NPR3: variants seen among roughly 807,000 people sequenced by gnomAD.
NPR3 encodes the protein atrial natriuretic peptide receptor 3.
A neutral mutation model predicts 54.5 loss-of-function variants in NPR3; 34 were observed. The observed-to-expected ratio is 0.62, with a 90% CI of 0.47 to 0.83. The LOEUF (loss-of-function observed/expected upper bound fraction) is 0.83. Among genes scored for constraint, NPR3 ranks in the 40% least tolerant of loss-of-function variants. NPR3 has a pLI of 0.00. For synonymous variants in NPR3, 289 were observed against 297.1 expected (o/e 0.97, Z 0.28); for missense variants, 674 against 720.8 (o/e 0.94, Z 0.74).
At chr5:32,702,391 T>C (rs1737846717) in intron 1 of NPR3, among the ~76,000 whole-genome samples, 1 of 148,360 alleles carries the variant, frequency 6.7e-6, no homozygotes, top group African/African-American at 2.5e-5. Flanking sequence ...GTATATCTCC[T>C]AATGCTATCC....
rs1738220021 is a variant in NPR3, at chr5:32,711,497, A to G, written c.-280A>G. The G allele has an allele frequency of 8.6e-7, 1 of 1,158,848 alleles. No homozygotes were observed. The highest frequency in any genetic ancestry group is 4.4e-5 in the South Asian group (1 of 22,868). 71.8% of individuals were successfully genotyped at this position (1,158,848 alleles called of 1,614,324 possible). A position where few individuals can be genotyped will look rare whatever the true frequency, so the allele number is the denominator to read the frequency against. On this transcript the variant is annotated 5_prime_UTR_variant, in exon 1 of 8. It adds an upstream start codon to the 5' untranslated region. Coordinates refer to ENST00000265074, the MANE Select transcript of NPR3 (RefSeq NM_001204375.2). ...ATGTATAAACGGAGGGCGAATATAT[A>G]CAAGTATATATATATGTATATTACA...
chr5:32,695,190 T>C (rs1162560746), intron 1 of NPR3, among the ~76,000 whole-genome samples: 2 of 152,232 alleles, frequency 1.3e-5, no homozygotes, highest in African/African-American at 4.8e-5. Context: ...ATCTCTTCAG[T>C]GTACTGATTT....
chr5:32,692,918 T>A (rs1358560366), intron 1 of NPR3, among the ~76,000 whole-genome samples: 1 of 152,148 alleles, frequency 6.6e-6, no homozygotes, highest in Non-Finnish European at 1.5e-5. Context: ...CCCAGAAGTT[T>A]GAGACCCACC....
At chr5:32,708,280 T>C (rs147840448), upstream of NPR3, among the ~76,000 whole-genome samples, 642 of 152,216 alleles carry the variant, frequency 4.2e-3, 6 homozygotes, top group Middle Eastern at 0.01. Flanking sequence ...CATTTCAGTG[T>C]TTTACAGAAT....
chr5:32,706,536 T>C (rs900967579), upstream of NPR3, among the ~76,000 whole-genome samples: 18 of 152,182 alleles, frequency 1.2e-4, no homozygotes, highest in Admixed American at 1.2e-3. Flanking sequence ...AATGGTAACT[T>C]TTGTTTATTT....
At chr5:32,753,317 TA>T (rs1328225779) in intron 3 of NPR3, among the ~76,000 whole-genome samples, 3 of 146,098 alleles carry the variant, frequency 2.1e-5, no homozygotes, top group Non-Finnish European at 4.6e-5. Flanking sequence ...AATGCTATGC[TA>T]TTTTCTTTTT....
At chr5:32,738,046 C>A (rs1365754446) in intron 2 of NPR3, among the ~76,000 whole-genome samples, 1 of 152,068 alleles carries the variant, frequency 6.6e-6, no homozygotes, top group Non-Finnish European at 1.5e-5. Flanking sequence ...ATGAGAGAGA[C>A]ACAAATCTTT....
chr5:32,743,040 T>C (rs1014757806), intron 3 of NPR3, among the ~76,000 whole-genome samples: 1 of 152,216 alleles, frequency 6.6e-6, no homozygotes, highest in Non-Finnish European at 1.5e-5. Flanking sequence ...TTACAGACTA[T>C]ACTGAAGCAT....
intron 3 of NPR3, among the ~76,000 whole-genome samples, chr5:32,766,886 T>C (rs1741498192): frequency 1.3e-5 from 2 of 152,218 alleles, no homozygotes; most frequent in Admixed American, 1.3e-4. Flanking sequence ...TCACTTGACC[T>C]GAGTCAAGCT....
At chr5:32,737,862 G>T (rs1300814837) in intron 2 of NPR3, among the ~76,000 whole-genome samples, 2 of 151,978 alleles carry the variant, frequency 1.3e-5, no homozygotes, top group Admixed American at 1.3e-4. Flanking sequence ...CCCATATCAC[G>T]GGGTCTTCTG....
intron 4 of NPR3, among the ~76,000 whole-genome samples, chr5:32,779,341 G>T (rs180938010): frequency 6.6e-6 from 1 of 152,178 alleles, no homozygotes; most frequent in Non-Finnish European, 1.5e-5. Context: ...GCTGATGTAC[G>T]CATTCTCTTA....
intron 1 of NPR3, among the ~76,000 whole-genome samples, chr5:32,691,290 C>T (rs868563681): frequency 6.6e-6 from 1 of 152,152 alleles, no homozygotes; most frequent in Admixed American, 6.5e-5. Flanking sequence ...GGACATTAAG[C>T]GAGTACTTGT....
intron 1 of NPR3, chr5:32,713,295 T>C (rs1738365043): frequency 4.1e-6 from 4 of 985,328 alleles, no homozygotes; most frequent in Admixed American, 6.1e-5. Flanking sequence ...TTTCCACCTG[T>C]CCCCCAAGTT....
At chr5:32,713,076 A>T in intron 1 of NPR3, 1 of 721,092 alleles carries the variant, frequency 1.4e-6, no homozygotes, top group Non-Finnish European at 1.7e-6. Flanking sequence ...GGTTTCTTTT[A>T]AAGGCTTGTT....
intron 1 of NPR3, among the ~76,000 whole-genome samples, chr5:32,721,010 G>T (rs113811158): frequency 0.029 from 4,378 of 152,292 alleles, 234 homozygotes; most frequent in African/African-American, 0.1. Flanking sequence ...CCTTTTGATT[G>T]TATAAAGGCA....
chr5:32,789,216 G>A lies in NPR3; in HGVS notation c.*2871G>A, dbSNP rs1459794415. On this transcript the variant is annotated 3_prime_UTR_variant, in exon 8 of 8. Transcript: ENST00000265074. ...AGCTGACATTGATACAGGTCAAAAT[G>A]CGTAGATGCTTTTTGGTGTTGGAAA... 3.4e-6 allele frequency: 1 copy of A among 290,090 alleles called. No homozygotes were observed. Among genetic ancestry groups the A allele is most frequent in the Non-Finnish European group, 6.9e-6 (1 of 145,232 alleles). The allele number at this position is 290,090 out of a possible 1,614,324, so 18.0% of individuals were successfully genotyped here.
Position 32,720,789 on chromosome 5 carries a change from T to C in NPR3, c.770-3909T>C, listed in dbSNP as rs116426823. ...TGTCCTCTGTTCTCTATAAATCTTATCACCTGTTGGTAGGTGCTGGCAGCT... is the reference window on the plus strand; with the variant it reads ...TGTCCTCTGTTCTCTATAAATCTTACCACCTGTTGGTAGGTGCTGGCAGCT... On this transcript the variant is annotated intron_variant, in intron 1 of 7. Transcript: ENST00000265074. Among the ~76,000 whole-genome samples the C allele has an allele frequency of 8.3e-3, 1,263 of 152,284 alleles. 20 individuals carry two copies. Among genetic ancestry groups the C allele is most frequent in the African/African-American group, 0.029 (1,194 of 41,562 alleles).
At chr5:32,743,381 A>G (rs1561103048) in intron 3 of NPR3, among the ~76,000 whole-genome samples, 2 of 151,282 alleles carry the variant, frequency 1.3e-5, no homozygotes, top group African/African-American at 4.9e-5. Context: ...AGTTTTACCT[A>G]TACTCTTTGT....
At chr5:32,764,581 G>A (rs531203707) in intron 3 of NPR3, among the ~76,000 whole-genome samples, 4 of 151,750 alleles carry the variant, frequency 2.6e-5, no homozygotes, top group African/African-American at 7.3e-5. Flanking sequence ...TGAGGTCAAA[G>A]GTTTGAGATT....
Sources: gnomAD v4.1 joint callset for allele counts (sites outside exome capture counted in the v4.1 genomes callset) on GRCh38, gnomAD v4.1.1 for gene constraint, MANE v1.5 for transcripts, NCBI Gene and HGNC (gene_info 2026-07-23, HGNC 2026-07-21) for gene names.